Variants in EPM2A observed in about 807,000 individuals in gnomAD.
The protein encoded by EPM2A is EPM2A glucan phosphatase, laforin, also known as laforin.
EPM2A carries 21 observed loss-of-function variants against 26.5 expected under a neutral mutation model. The observed-to-expected ratio is 0.79, with a 90% CI of 0.56 to 1.14. The LOEUF is 1.14. Among genes scored for constraint, EPM2A ranks in the 50% most tolerant of loss-of-function variants. The pLI, the probability that EPM2A is intolerant of heterozygous loss-of-function variation, is 0.00. For missense variants in EPM2A, 458 were observed against 440.8 expected (o/e 1.04, Z -0.35); for synonymous variants, 217 against 177.6 (o/e 1.22, Z -1.76).
intron 2 of EPM2A, among the ~76,000 whole-genome samples, chr6:145,513,090 C>T (rs1277619596): frequency 6.6e-6 from 1 of 152,076 alleles, no homozygotes; most frequent in Admixed American, 6.6e-5. Context: ...AGTGCCTGCA[C>T]AGCAAAGAAA....
chr6:145,580,288 CATTTATG>C (rs1781094607), intron 2 of EPM2A, among the ~76,000 whole-genome samples: 1 of 152,030 alleles, frequency 6.6e-6, no homozygotes, highest in African/African-American at 2.4e-5. Context: ...CATAATTTAT[CATTTATG>C]ATTTATTAAA....
intron 4 of EPM2A, among the ~76,000 whole-genome samples, chr6:145,481,065 A>T (rs1779606628): frequency 6.6e-6 from 1 of 152,100 alleles, no homozygotes; most frequent in Non-Finnish European, 1.5e-5. Flanking sequence ...GGACTAATGA[A>T]GAATTTCCAC....
intron 4 of EPM2A, chr6:145,490,848 G>T: frequency 1.5e-6 from 1 of 649,332 alleles, no homozygotes; most frequent in Non-Finnish European, 2.9e-6. Flanking sequence ...TCTTTAATCT[G>T]CCCTTTTCTG....
intron 2 of EPM2A, among the ~76,000 whole-genome samples, chr6:145,564,036 TC>T (rs1780845894): frequency 6.6e-6 from 1 of 152,146 alleles, no homozygotes; most frequent in Non-Finnish European, 1.5e-5. Flanking sequence ...CTGTAAATCA[TC>T]TCTAGATTAC....
chr6:145,405,488 G>A (rs1199966859), intron 4 of EPM2A, among the ~76,000 whole-genome samples: 1 of 152,086 alleles, frequency 6.6e-6, no homozygotes, highest in East Asian at 1.9e-4. Context: ...TGAAATTCAT[G>A]CCAGAAGCAG....
Position 145,626,701 on chromosome 6 carries a change from A to C in EPM2A, c.*715T>G. The stretch of plus-strand genomic sequence containing the variant: ...TTGGACAAGCTACCTATGCTCATTA[A>C]GCCTCAATTTAACTTCTTGACATCT... On this transcript the variant is annotated 3_prime_UTR_variant, in exon 4 of 4. Transcript: ENST00000367519. The C allele has an allele frequency of 1.0e-6, 1 of 985,534 alleles. No individual in the cohort carries two copies. The highest frequency in any genetic ancestry group is 1.2e-6 in the Non-Finnish European group (1 of 829,912). The allele number at this position is 985,534 out of a possible 1,614,324, so 61.0% of individuals were successfully genotyped here.
intron 2 of EPM2A, among the ~76,000 whole-genome samples, chr6:145,675,949 A>T (rs994195737): frequency 1.3e-5 from 2 of 152,200 alleles, no homozygotes; most frequent in African/African-American, 4.8e-5. Flanking sequence ...ACATCTACAG[A>T]ACTTTTCACC....
intron 4 of EPM2A, among the ~76,000 whole-genome samples, chr6:145,491,399 T>C (rs1318298133): frequency 6.6e-6 from 1 of 151,300 alleles, no homozygotes; most frequent in African/African-American, 2.4e-5. Context: ...GCGGGCCCTG[T>C]GGACTCCATA....
chr6:145,420,727 G>A (rs533333827), intron 4 of EPM2A, among the ~76,000 whole-genome samples: 60 of 152,208 alleles, frequency 3.9e-4, no homozygotes, highest in African/African-American at 1.4e-3. Flanking sequence ...CAGAATACCT[G>A]AGACTAGTTA....
At chr6:145,475,210 C>T (rs1779526399) in intron 4 of EPM2A, among the ~76,000 whole-genome samples, 2 of 152,050 alleles carry the variant, frequency 1.3e-5, no homozygotes, top group South Asian at 4.2e-4. Flanking sequence ...AGACTTGGAA[C>T]CAATCCAAAT....
chr6:145,609,592 C>T (rs961132403), intron 2 of EPM2A, among the ~76,000 whole-genome samples: 6 of 152,172 alleles, frequency 3.9e-5, no homozygotes, highest in African/African-American at 1.2e-4. Context: ...CTATCCATGG[C>T]TCATTCCATT....
intron 2 of EPM2A, among the ~76,000 whole-genome samples, chr6:145,573,514 C>A (rs965199820): frequency 6.6e-6 from 1 of 152,194 alleles, no homozygotes; most frequent in Non-Finnish European, 1.5e-5. Flanking sequence ...TCTGCACAGG[C>A]CAAATGGGAG....
chr6:145,698,887 G>A (rs867546863), intron 1 of EPM2A, among the ~76,000 whole-genome samples: 12 of 152,104 alleles, frequency 7.9e-5, no homozygotes, highest in Admixed American at 3.9e-4. Flanking sequence ...AGGAAACACC[G>A]TAAGGATACA....
intron 1 of EPM2A, among the ~76,000 whole-genome samples, chr6:145,719,206 A>T (rs1775811127): frequency 1.3e-5 from 2 of 150,560 alleles, no homozygotes; most frequent in Admixed American, 1.3e-4. Context: ...ACAATAGCAA[A>T]GACTTGGAAC....
intron 2 of EPM2A, among the ~76,000 whole-genome samples, chr6:145,510,935 C>T (rs1780047001): frequency 6.6e-6 from 1 of 152,064 alleles, no homozygotes; most frequent in Admixed American, 6.5e-5. Flanking sequence ...AATAGAAATA[C>T]AAAATATATT....
intron 1 of EPM2A, among the ~76,000 whole-genome samples, chr6:145,704,321 A>T (rs1002855980): frequency 7.2e-5 from 11 of 152,310 alleles, no homozygotes; most frequent in Middle Eastern, 3.4e-3. Context: ...ATTTTTTTCT[A>T]TAAGATTATA....
chr6:145,503,257 A>C (rs1582804990), intron 2 of EPM2A, among the ~76,000 whole-genome samples: 2 of 151,864 alleles, frequency 1.3e-5, no homozygotes, highest in East Asian at 3.9e-4. Context: ...ATCAGGCAGG[A>C]GAAGGAAATA....
intron 4 of EPM2A, among the ~76,000 whole-genome samples, chr6:145,406,188 A>G (rs1778567147): frequency 6.6e-6 from 1 of 152,138 alleles, no homozygotes. Context: ...TTGTATAACC[A>G]AAGTATTTCT....
At chr6:145,454,005 A>G (rs1779230287) in intron 4 of EPM2A, among the ~76,000 whole-genome samples, 1 of 152,224 alleles carries the variant, frequency 6.6e-6, no homozygotes, top group Non-Finnish European at 1.5e-5. Flanking sequence ...TTTTTCATCT[A>G]TTATTCCAGT....
Sources: gnomAD v4.1 joint callset for allele counts (sites outside exome capture counted in the v4.1 genomes callset) on GRCh38, gnomAD v4.1.1 for gene constraint, MANE v1.5 for transcripts, NCBI Gene and HGNC (gene_info 2026-07-23, HGNC 2026-07-21) for gene names.